FAH: variants seen among roughly 807,000 people sequenced by gnomAD.
The protein encoded by FAH is fumarylacetoacetase.
FAH carries 47 observed loss-of-function variants against 55.8 expected under a neutral mutation model. The ratio of observed to expected loss-of-function variants is 0.84; its 90% CI spans 0.67 to 1.07. The LOEUF is 1.07. FAH is among the 50% of genes least tolerant of loss of function. FAH has a pLI of 0.00. For synonymous variants in FAH, 199 were observed against 207.7 expected (o/e 0.96, Z 0.36); for missense variants, 495 against 545.9 (o/e 0.91, Z 0.93).
chr15:80,179,994 C>T, intron 11 of FAH, 130 bp from the exon 12 acceptor site: 1 of 718,068 alleles, frequency 1.4e-6, no homozygotes, highest in Non-Finnish European at 2.5e-6. Flanking sequence ...AGAGAGCTGG[C>T]TGGGGGAGCT....
intron 7 of FAH, among the ~76,000 whole-genome samples, chr15:80,168,921 T>C (rs1255755698): frequency 6.6e-6 from 1 of 152,180 alleles, no homozygotes; most frequent in Non-Finnish European, 1.5e-5. Flanking sequence ...CAAAATATAT[T>C]ACATAAAGCA....
chr15:80,160,408 A>G lies in FAH; in HGVS notation c.315-2A>G, dbSNP rs1555440603. 1 of 1,614,196 alleles carries G rather than the reference A, an allele frequency of 6.2e-7. No homozygotes were observed. The highest frequency in any genetic ancestry group is 8.5e-7 in the Non-Finnish European group (1 of 1,180,028). ...TTTGAAGCCCCTGGTTCTGTGTTTC[A>G]GTGCATTCATCTCCCAGGCTTCTGC... On this transcript the variant is annotated splice_acceptor_variant, in intron 3 of 13. Transcript: ENST00000561421. LOFTEE classifies it high-confidence loss of function.
At position 80,186,250 on chromosome 15, in the gene FAH, C is replaced by G; in HGVS notation, c.*41C>G. Reference sequence around the variant, plus strand: ...TCTGGAAACAAAGGGCTCAAGCACCCCTTTCAACCCTGTGACTGGGGTCCT... The same window carrying G: ...TCTGGAAACAAAGGGCTCAAGCACCGCTTTCAACCCTGTGACTGGGGTCCT... On this transcript the variant is annotated 3_prime_UTR_variant, in exon 14 of 14. Coordinates refer to ENST00000561421, the MANE Select transcript of FAH (RefSeq NM_000137.4). 1 of 1,492,322 alleles carries G rather than the reference C, an allele frequency of 6.7e-7. No individual in the cohort carries two copies. Among genetic ancestry groups the G allele is most frequent in the Non-Finnish European group, 9.2e-7 (1 of 1,083,422 alleles). 92.4% of individuals were successfully genotyped at this position (1,492,322 alleles called of 1,614,324 possible).
At chr15:80,155,835 A>C in intron 1 of FAH, 1 of 458,050 alleles carries the variant, frequency 2.2e-6, no homozygotes, top group Non-Finnish European at 4.4e-6. Context: ...GGAAGGCAGC[A>C]TAAGTCAGCA....
At chr15:80,171,995 T>C (rs1301472933) in intron 7 of FAH, among the ~76,000 whole-genome samples, 154 bp from the exon 8 acceptor site, 1 of 152,186 alleles carries the variant, frequency 6.6e-6, no homozygotes, top group Non-Finnish European at 1.5e-5. Context: ...CCATCTGACC[T>C]CTGACTTAGA....
intron 5 of FAH, chr15:80,167,057 G>GTT (rs71153529): frequency 1.5e-4 from 22 of 149,504 alleles, no homozygotes; most frequent in Admixed American, 3.3e-4. Context: ...GTGTTTTTGT[G>GTT]TTTTTTTTTT....
chr15:80,153,102 C>T lies in FAH; in HGVS notation c.48C>T (p.Asn16=), dbSNP rs1256559961. The change falls in exon 1 of 14, where the codon AAC becomes AAT. Residue 16 remains asparagine, a synonymous_variant. Transcript: ENST00000561421. ...VAEDSDFPIH[N]LPYGVFSTRG... Reference sequence around the variant, plus strand: ...AGGATTCCGACTTCCCCATCCACAACCTGCCCTACGGCGTCTTCTCGACCA... The same window carrying T: ...AGGATTCCGACTTCCCCATCCACAATCTGCCCTACGGCGTCTTCTCGACCA... 3 of 1,613,866 alleles carry T rather than the reference C, an allele frequency of 1.9e-6. No individual in the cohort carries two copies. The highest frequency in any genetic ancestry group is 2.2e-5 in the South Asian group (2 of 91,082).
At chr15:80,156,566 GGC>G (rs1315463592) in intron 1 of FAH, 1 of 152,102 alleles carries the variant, frequency 6.6e-6, no homozygotes, top group African/African-American at 2.4e-5. Flanking sequence ...TTAAAACAAA[GGC>G]AATGCACATT....
rs370507945 is a variant in FAH, at chr15:80,177,595, C to T, written c.960+12C>T. On this transcript the variant is annotated intron_variant, in intron 11 of 13. Coordinates refer to ENST00000561421, the MANE Select transcript of FAH (RefSeq NM_000137.4). ...AGTCCAATTTTAAGGTAAGCTTTGA[C>T]GCTGATCAGACTGCTTTTTAGAATT... The T allele has an allele frequency of 2.8e-5, 45 of 1,611,026 alleles. No individual in the cohort carries two copies. The highest frequency in any genetic ancestry group is 2.0e-4 in the Admixed American group (12 of 60,012).
Position 80,172,147 on chromosome 15 carries a change from A to G in FAH, c.607-2A>G, listed in dbSNP as rs545534156. 6.2e-7 allele frequency: 1 copy of G among 1,612,424 alleles called. No homozygotes were observed. The highest frequency in any genetic ancestry group is 1.1e-5 in the South Asian group (1 of 91,052). On this transcript the variant is annotated splice_acceptor_variant, in intron 7 of 13. Transcript: ENST00000561421. LOFTEE classifies it high-confidence loss of function. ...ATTCTAATGAACTCTCCCCCATGTA[A>G]GGCTTTTTTTGTAGGCCCTGGAAAC...
intron 2 of FAH, among the ~76,000 whole-genome samples, chr15:80,159,467 T>G (rs1167657756): frequency 1.3e-5 from 2 of 152,132 alleles, no homozygotes; most frequent in East Asian, 3.9e-4. Context: ...CATGGCCACC[T>G]TCAACTGTGG....
chr15:80,163,728 ATG>A (rs776262311), intron 5 of FAH: 4 of 152,246 alleles, frequency 2.6e-5, no homozygotes, highest in Non-Finnish European at 5.9e-5. Flanking sequence ...ACAATTAAAA[ATG>A]TGTCTACTCT....
chr15:80,175,189 C>G, intron 10 of FAH, 98 bp downstream of exon 10: 2 of 1,058,040 alleles, frequency 1.9e-6, no homozygotes, highest in Non-Finnish European at 2.9e-6. Flanking sequence ...AGGGTGAGGG[C>G]ACGTGCTACA....
In FAH at chr15:80,168,292, G is replaced by A. The variant is rs755501403; in HGVS notation, c.582G>A (p.Lys194=). ...DSKPPVYGAC[K]LLDMELEMAF... is the part of the protein sequence containing the mutation. ...AGCCTCCCGTATATGGTGCCTGCAAGCTCTTGGACATGGAGCTGGAAATGG... is the reference window on the plus strand; with the variant it reads ...AGCCTCCCGTATATGGTGCCTGCAAACTCTTGGACATGGAGCTGGAAATGG... The change falls in exon 7 of 14, where the codon AAG becomes AAA. Residue 194 remains lysine, a synonymous_variant. Transcript: ENST00000561421. 1 of 1,610,086 alleles carries A rather than the reference G, an allele frequency of 6.2e-7. No homozygotes were observed. Among genetic ancestry groups the A allele is most frequent in the South Asian group, 1.1e-5 (1 of 91,012 alleles).
In FAH at chr15:80,186,206, A is replaced by G. The variant is rs760953133; in HGVS notation, c.1257A>G (p.Ser419=). 5 of 1,613,474 alleles carry G rather than the reference A, an allele frequency of 3.1e-6. No individual in the cohort carries two copies. The highest frequency in any genetic ancestry group is 1.3e-5 in the African/African-American group (1 of 74,896). ...AAGTGCTGCCTGCTCTCCTGCCATC[A>G]TGAGATTTTCTCTGCTCTTCTGGAA... The part of the protein sequence containing the change: ...AGKVLPALLP[S] Residue 419 remains serine (S), a synonymous_variant, in exon 14 of 14, where the codon TCA becomes TCG. Coordinates refer to ENST00000561421, the MANE Select transcript of FAH (RefSeq NM_000137.4).
chr15:80,174,757 C>T (rs1320737994), intron 9 of FAH, among the ~76,000 whole-genome samples: 1 of 152,210 alleles, frequency 6.6e-6, no homozygotes, highest in Non-Finnish European at 1.5e-5. Context: ...CTTTCAGGAA[C>T]ATCTCTGGTT....
intron 1 of FAH, 148 bp downstream of exon 1, chr15:80,153,283 G>A: frequency 1.4e-6 from 1 of 705,930 alleles, no homozygotes; most frequent in Non-Finnish European, 2.5e-6. Context: ...CCGTGAGAGT[G>A]CCTATGGGCT....
chr15:80,167,744 C>G (rs1390867315), intron 5 of FAH, among the ~76,000 whole-genome samples: 1 of 152,066 alleles, frequency 6.6e-6, no homozygotes, highest in Non-Finnish European at 1.5e-5. Context: ...GTTACCCAGG[C>G]TGTTCTCGAA....
At chr15:80,165,933 AT>A (rs1046572463) in intron 5 of FAH, 5 of 152,304 alleles carry the variant, frequency 3.3e-5, no homozygotes, top group African/African-American at 1.2e-4. Context: ...TATCATAAAT[AT>A]TACAAAATAA....
Sources: allele counts gnomAD v4.1 joint callset (sites outside exome capture counted in the v4.1 genomes callset), GRCh38; gene constraint gnomAD v4.1.1; transcripts MANE v1.5; gene names NCBI Gene and HGNC (gene_info 2026-07-23, HGNC 2026-07-21).